The following NTM variants were observed in gnomAD, a reference collection of about 807,000 sequenced individuals.
The protein encoded by NTM is IgLON family member 2.
A neutral mutation model predicts 42.1 loss-of-function variants in NTM; 13 were observed. That is an observed-to-expected ratio of 0.31 (90% CI 0.20 to 0.49). The LOEUF is 0.49. NTM is among the 20% of genes least tolerant of loss of function. NTM has a pLI of 0.99. For synonymous variants in NTM, 187 were observed against 179.2 expected, an observed-to-expected ratio of 1.04 and a Z score of -0.35; for missense variants, 373 against 452.8, an observed-to-expected ratio of 0.82 and a Z score of 1.60.
intron 1 of NTM, among the ~76,000 whole-genome samples, chr11:131,847,647 G>T (rs1042552574): frequency 6.6e-6 from 1 of 151,982 alleles, no homozygotes; most frequent in Non-Finnish European, 1.5e-5. Context: ...ATCAGTCCAG[G>T]TTTGATGAAC....
chr11:131,694,968 A>T (rs994429050), intron 1 of NTM, among the ~76,000 whole-genome samples: 2 of 152,168 alleles, frequency 1.3e-5, no homozygotes, highest in Non-Finnish European at 2.9e-5. Context: ...GCAGAGGGGC[A>T]GTCGGAGAGC....
At chr11:131,401,816 A>ATATATATATGTG (rs1555101730) in intron 1 of NTM, among the ~76,000 whole-genome samples, 6 of 33,262 alleles carry the variant, frequency 1.8e-4, no homozygotes, top group South Asian at 1.1e-3. Flanking sequence ...ATATATATAT[A>ATATATATATGTG]TATATATATA....
intron 1 of NTM, among the ~76,000 whole-genome samples, chr11:131,855,174 T>G (rs2045972127): frequency 6.6e-6 from 1 of 152,062 alleles, no homozygotes; most frequent in Non-Finnish European, 1.5e-5. Context: ...TTAGAACAAT[T>G]TAAGCGGAGG....
At chr11:131,788,329 C>A (rs999517404) in intron 1 of NTM, among the ~76,000 whole-genome samples, 1 of 151,896 alleles carries the variant, frequency 6.6e-6, no homozygotes, top group Non-Finnish European at 1.5e-5. Context: ...ATCCTTCCTG[C>A]CTTATGGATC....
intron 2 of NTM, among the ~76,000 whole-genome samples, chr11:131,928,015 T>A: frequency 6.6e-6 from 1 of 152,186 alleles, no homozygotes; most frequent in Non-Finnish European, 1.5e-5. Flanking sequence ...GTAAAATTAT[T>A]AACCTAATCT....
At chr11:131,755,065 G>A (rs2083144615) in intron 1 of NTM, among the ~76,000 whole-genome samples, 1 of 152,202 alleles carries the variant, frequency 6.6e-6, no homozygotes, top group Non-Finnish European at 1.5e-5. Flanking sequence ...ATGGCAGGAA[G>A]CATGAGGTAA....
chr11:132,008,406 A>T (rs2071311477), intron 2 of NTM, among the ~76,000 whole-genome samples: 1 of 152,182 alleles, frequency 6.6e-6, no homozygotes, highest in Non-Finnish European at 1.5e-5. Flanking sequence ...CTGACCTCAG[A>T]TAGGACTCAG....
Position 132,303,688 on chromosome 11 carries a change from G to C in NTM, c.527-4001G>C, listed in dbSNP as rs182650768. 2.1e-5 allele frequency among the ~76,000 whole-genome samples: 3 copies of C among 140,514 alleles called. No individual in the cohort carries two copies. In the East Asian group the frequency reaches 6.4e-4, roughly 30 times the overall value. 92.2% of individuals were successfully genotyped at this position (140,514 alleles called of 152,430 possible). ...AAGAAAGGTGGTATTTGCTTAGATA[G>C]ATAGGGCACAGCTTTCTAGGTGACA... On this transcript the variant is annotated intron_variant, in intron 4 of 8. Transcript: ENST00000683400.
chr11:132,011,027 G>A (rs894928024), intron 2 of NTM, among the ~76,000 whole-genome samples: 1 of 151,198 alleles, frequency 6.6e-6, no homozygotes, highest in Non-Finnish European at 1.5e-5. Flanking sequence ...TTATCACAAT[G>A]TATGCTCTGT....
At chr11:131,723,370 A>G (rs1225272428) in intron 1 of NTM, among the ~76,000 whole-genome samples, 2 of 152,242 alleles carry the variant, frequency 1.3e-5, no homozygotes, top group Non-Finnish European at 2.9e-5. Context: ...CAAGCGATGT[A>G]GATTACGCAG....
chr11:131,763,068 G>T (rs1033770031), intron 1 of NTM, among the ~76,000 whole-genome samples: 1 of 152,184 alleles, frequency 6.6e-6, no homozygotes, highest in Non-Finnish European at 1.5e-5. Context: ...ATCCCAATCT[G>T]AACTCAGTCT....
chr11:132,238,361 C>T (rs2089494586), intron 4 of NTM, among the ~76,000 whole-genome samples: 1 of 152,128 alleles, frequency 6.6e-6, no homozygotes, highest in Non-Finnish European at 1.5e-5. Flanking sequence ...CTGCTGGTCC[C>T]AAACGCCTGG....
intron 1 of NTM, chr11:131,536,691 T>C (rs934364735): frequency 6.6e-6 from 1 of 152,198 alleles, no homozygotes; most frequent in Admixed American, 6.5e-5. Context: ...AAACATGATG[T>C]ATACGCATGA....
chr11:131,434,764 A>G (rs1424389060), intron 1 of NTM, among the ~76,000 whole-genome samples: 1 of 152,036 alleles, frequency 6.6e-6, no homozygotes, highest in African/African-American at 2.4e-5. Context: ...ATGGTAGTTT[A>G]TTTCACTGTG....
intron 1 of NTM, among the ~76,000 whole-genome samples, chr11:131,784,251 C>T (rs2088715479): frequency 6.6e-6 from 1 of 152,080 alleles, no homozygotes; most frequent in African/African-American, 2.4e-5. Flanking sequence ...AAAAATTAAC[C>T]ATACAATAAC....
intron 1 of NTM, among the ~76,000 whole-genome samples, chr11:131,771,906 C>T (rs912215988): frequency 2.0e-5 from 3 of 152,188 alleles, no homozygotes; most frequent in Admixed American, 1.3e-4. Context: ...TTGGCCCCAT[C>T]GTGAGAAGAC....
intron 2 of NTM, among the ~76,000 whole-genome samples, chr11:131,971,810 C>T (rs898530878): frequency 4.6e-5 from 7 of 151,962 alleles, no homozygotes; most frequent in South Asian, 2.1e-4. Flanking sequence ...CTTTGAAGGC[C>T]GAGGCAGGTG....
chr11:131,989,308 A>G (rs1043989109), intron 2 of NTM, among the ~76,000 whole-genome samples: 6 of 152,100 alleles, frequency 3.9e-5, no homozygotes, highest in African/African-American at 1.2e-4. Flanking sequence ...ACTTTCATAT[A>G]CATTTCATCA....
At chr11:132,125,351 G>A (rs1335721450) in intron 2 of NTM, among the ~76,000 whole-genome samples, 1 of 140,870 alleles carries the variant, frequency 7.1e-6, no homozygotes, top group African/African-American at 2.7e-5. Flanking sequence ...ATGTGATTGT[G>A]TAGTGTGTAG....
Sources: allele counts gnomAD v4.1 joint callset (sites outside exome capture counted in the v4.1 genomes callset), GRCh38; gene constraint gnomAD v4.1.1; transcripts MANE v1.5; gene names NCBI Gene and HGNC (gene_info 2026-07-23, HGNC 2026-07-21).